The following STAC variants were observed in gnomAD, a reference collection of about 807,000 sequenced individuals.
STAC encodes SH3 and cysteine rich domain.
In STAC, 43 loss-of-function variants were observed where a neutral mutation model predicts 48.8. The ratio of observed to expected loss-of-function variants is 0.88; its 90% CI spans 0.69 to 1.14. The LOEUF is 1.14. STAC is among the 50% of genes most tolerant of loss of function. STAC has a pLI of 0.00. For synonymous variants in STAC, 193 were observed against 179.5 expected (o/e 1.07, Z -0.60); for missense variants, 497 against 504.0 (o/e 0.99, Z 0.13).
At chr3:36,396,646 T>A (rs1483078303) in intron 1 of STAC, among the ~76,000 whole-genome samples, 1 of 152,152 alleles carries the variant, frequency 6.6e-6, no homozygotes, top group Non-Finnish European at 1.5e-5. Context: ...TGCTTGTAAA[T>A]CTTTCTGGCT....
intron 2 of STAC, among the ~76,000 whole-genome samples, chr3:36,457,925 C>T (rs745612688): frequency 1.9e-4 from 29 of 152,082 alleles, no homozygotes; most frequent in African/African-American, 5.8e-4. Flanking sequence ...GGGTGAGGGG[C>T]GGGGGAAGTA....
At position 36,528,926 on chromosome 3, in the gene STAC, T is replaced by A; in HGVS notation, c.1051T>A (p.Cys351Ser). 2 of 1,613,820 alleles carry A rather than the reference T, an allele frequency of 1.2e-6. No individual in the cohort carries two copies. The highest frequency in any genetic ancestry group is 8.5e-7 in the Non-Finnish European group (1 of 1,179,864). Residue 351 changes from cysteine to serine, a missense_variant, in exon 10 of 11, where the codon TGT becomes AGT. Cys to Ser is a moderately radical substitution (Grantham distance 112). Transcript: ENST00000273183. ...RLQQNEKIFR[C>S]VRTFIGCKEQ... ...ACAACAAAATGAGAAGATTTTTAGA[T>A]GTGTTAGAACCTTCATTGGGTGTAA...
intron 2 of STAC, among the ~76,000 whole-genome samples, chr3:36,467,934 T>C (rs1697222705): frequency 6.6e-6 from 1 of 152,122 alleles, no homozygotes; most frequent in Non-Finnish European, 1.5e-5. Flanking sequence ...AGTTGTGACC[T>C]CAGATTGTCT....
intron 1 of STAC, among the ~76,000 whole-genome samples, chr3:36,398,455 GGAAGGAA>G: frequency 8.4e-6 from 1 of 119,720 alleles, no homozygotes; most frequent in Non-Finnish European, 1.8e-5. Context: ...AAGGAAGGAA[GGAAGGAA>G]GGAAGGAAGG....
intron 2 of STAC, among the ~76,000 whole-genome samples, chr3:36,452,999 T>C (rs1415566281): frequency 1.3e-5 from 2 of 152,208 alleles, no homozygotes; most frequent in Non-Finnish European, 2.9e-5. Context: ...GACCGGAATG[T>C]CCTAAAGCCA....
chr3:36,540,026 T>C (rs192242722), intron 10 of STAC, among the ~76,000 whole-genome samples: 9 of 152,172 alleles, frequency 5.9e-5, no homozygotes, highest in South Asian at 2.1e-4. Flanking sequence ...CAGAGATTCT[T>C]AGAAGAGGGA....
At chr3:36,540,230 T>C (rs1181308122) in intron 10 of STAC, among the ~76,000 whole-genome samples, 2 of 152,182 alleles carry the variant, frequency 1.3e-5, no homozygotes, top group African/African-American at 2.4e-5. Flanking sequence ...CTAGAAAGAA[T>C]GCAGCCCTGC....
intron 1 of STAC, among the ~76,000 whole-genome samples, chr3:36,388,031 C>A (rs62245724): frequency 0.079 from 12,070 of 152,072 alleles, 514 homozygotes; most frequent in African/African-American, 0.1. Flanking sequence ...CTGATGGGTA[C>A]AAGATGGTAT....
chr3:36,456,659 G>C (rs868473815), intron 2 of STAC, among the ~76,000 whole-genome samples: 1 of 152,114 alleles, frequency 6.6e-6, no homozygotes, highest in African/African-American at 2.4e-5. Context: ...TCCACAGTGA[G>C]ACAAAGCATC....
At chr3:36,415,204 A>G (rs1031693998) in intron 1 of STAC, among the ~76,000 whole-genome samples, 6 of 152,194 alleles carry the variant, frequency 3.9e-5, no homozygotes, top group Non-Finnish European at 7.3e-5. Context: ...GCTGTCAGAC[A>G]GGGACATTTA....
At chr3:36,524,197 C>T (rs115783738) in intron 8 of STAC, among the ~76,000 whole-genome samples, 4 of 152,252 alleles carry the variant, frequency 2.6e-5, no homozygotes, top group African/African-American at 9.6e-5. Flanking sequence ...GAGCCCCCAT[C>T]AAGGAGTTGT....
At chr3:36,543,344 T>C (rs1242203318) in intron 10 of STAC, among the ~76,000 whole-genome samples, 2 of 152,230 alleles carry the variant, frequency 1.3e-5, no homozygotes, top group African/African-American at 4.8e-5. Context: ...TCCTCATTTC[T>C]GGATAGAGTC....
intron 1 of STAC, among the ~76,000 whole-genome samples, chr3:36,399,695 A>G (rs1364849812): frequency 6.6e-6 from 1 of 152,162 alleles, no homozygotes; most frequent in Non-Finnish European, 1.5e-5. Context: ...AAATAACTCA[A>G]TTTATTAAAA....
Position 36,537,425 on chromosome 3 carries a change from C to A in STAC, c.1110+8440C>A, listed in dbSNP as rs1050182799. On this transcript the variant is annotated intron_variant, in intron 10 of 10. Transcript: ENST00000273183. The stretch of plus-strand genomic sequence containing the variant: ...GGATGGAGCTGGAAGCCATTATCCT[C>A]ATCAAACTAATGCAGGAACAGAAAA... Among the ~76,000 whole-genome samples the A allele has an allele frequency of 6.6e-5, 10 of 152,264 alleles. No homozygotes were observed. In the East Asian group the frequency reaches 1.2e-3, roughly 18 times the overall value.
Position 36,546,448 on chromosome 3 carries a change from A to G in STAC, c.*159A>G. ...TCTGAGACTGTGGAGTAATAGCCACAAAACAGAGGGCCCACTGCACAGCAT... is the reference window on the plus strand; with the variant it reads ...TCTGAGACTGTGGAGTAATAGCCACGAAACAGAGGGCCCACTGCACAGCAT... On this transcript the variant is annotated 3_prime_UTR_variant, in exon 11 of 11. Coordinates refer to ENST00000273183, the MANE Select transcript of STAC (RefSeq NM_003149.3). 1.6e-6 allele frequency: 1 copy of G among 638,870 alleles called. No individual in the cohort carries two copies. The highest frequency in any genetic ancestry group is 2.7e-6 in the Non-Finnish European group (1 of 366,946). 39.6% of individuals were successfully genotyped at this position (638,870 alleles called of 1,614,324 possible).
Position 36,443,555 on chromosome 3 carries a change from G to C in STAC, c.303G>C (p.Leu101=), listed in dbSNP as rs1232131008. 1 of 1,614,192 alleles carries C rather than the reference G, an allele frequency of 6.2e-7. No individual in the cohort carries two copies. Among genetic ancestry groups the C allele is most frequent in the Non-Finnish European group, 8.5e-7 (1 of 1,180,036 alleles). The change falls in exon 2 of 11, where the codon CTG becomes CTC. Residue 101 remains leucine, a synonymous_variant. Transcript: ENST00000273183. This position sits in a 1 kb window ranked among gnomAD's most constrained non-coding sequence, Gnocchi z 4.2. ...CGTCCACACCCGCCAGGGCTGGTCT[G>C]CATCCAGGTGGCAAGGCTCATGCCT... ...SLTSTPARAG[L]HPGGKAHAFQ...
At chr3:36,506,553 T>C (rs1190098946) in intron 8 of STAC, among the ~76,000 whole-genome samples, 1 of 152,192 alleles carries the variant, frequency 6.6e-6, no homozygotes, top group Non-Finnish European at 1.5e-5. Flanking sequence ...ATTCTTCCTA[T>C]CCATGAGCAT....
intron 5 of STAC, among the ~76,000 whole-genome samples, chr3:36,492,752 A>G (rs1444327566): frequency 2.0e-5 from 3 of 152,230 alleles, no homozygotes; most frequent in African/African-American, 7.2e-5. Flanking sequence ...AGTGCATCCC[A>G]TTCTCTAAAA....
At chr3:36,471,354 G>A (rs1373119533) in intron 2 of STAC, among the ~76,000 whole-genome samples, 1 of 152,152 alleles carries the variant, frequency 6.6e-6, no homozygotes, top group Non-Finnish European at 1.5e-5. Context: ...TTCAAGTTGA[G>A]ATTTGGATGT....
Sources: allele counts gnomAD v4.1 joint callset (sites outside exome capture counted in the v4.1 genomes callset), GRCh38; gene constraint gnomAD v4.1.1; non-coding constraint Gnocchi (gnomAD v3.1); transcripts MANE v1.5; gene names NCBI Gene and HGNC (gene_info 2026-07-23, HGNC 2026-07-21).